Variants in MAP1LC3B2 observed in about 807,000 individuals in gnomAD.
The protein encoded by MAP1LC3B2 is microtubule associated protein 1 light chain 3 beta 2, also known as microtubule-associated protein 1 light chain 3 beta 2.
For synonymous variants in MAP1LC3B2, 62 were observed against 57.8 expected (o/e 1.07, Z -0.33); for missense variants, 155 against 154.6 (o/e 1.00, Z -0.01).
intron 1 of MAP1LC3B2, among the ~76,000 whole-genome samples, chr12:116,561,607 T>C (rs1054066489): frequency 6.6e-6 from 1 of 151,900 alleles, no homozygotes; most frequent in Non-Finnish European, 1.5e-5. Flanking sequence ...GGGTCCCTGG[T>C]TGTAGATAAG....
intron 1 of MAP1LC3B2, 49 bp from the exon 2 acceptor site, chr12:116,575,793 A>C (rs1391995029): frequency 6.2e-6 from 5 of 812,648 alleles, no homozygotes; most frequent in Non-Finnish European, 7.8e-6. Flanking sequence ...TGTAACATAT[A>C]CAGTTTCTGC....
At chr12:116,567,978 A>G (rs369604733) in intron 1 of MAP1LC3B2, among the ~76,000 whole-genome samples, 3 of 152,310 alleles carry the variant, frequency 2.0e-5, no homozygotes, top group East Asian at 1.9e-4. Context: ...TCAGATGCCC[A>G]GCACAATGCC....
intron 1 of MAP1LC3B2, among the ~76,000 whole-genome samples, chr12:116,565,891 G>A (rs1387520998): frequency 6.6e-6 from 1 of 152,202 alleles, no homozygotes; most frequent in Admixed American, 6.5e-5. Context: ...CAATATTTAC[G>A]AAAGCACAAA....
intron 1 of MAP1LC3B2, among the ~76,000 whole-genome samples, chr12:116,573,506 T>C (rs180818120): frequency 6.6e-6 from 1 of 152,142 alleles, no homozygotes; most frequent in African/African-American, 2.4e-5. Flanking sequence ...TCGTCTTCCT[T>C]TTTCTTTTTC....
Position 116,576,130 on chromosome 12 carries a change from T to C in MAP1LC3B2, c.188T>C (p.Leu63Pro), listed in dbSNP as rs1869672295. Reference protein sequence around the residue: ...LVPDHVNMSELIKIIRRRLQL... With the variant: ...LVPDHVNMSEPIKIIRRRLQL... ...CCTGACCATGTCAACATGAGTGAGC[T>C]CATCAAGATAATTAGAAGGCGCTTA... Residue 63 changes from leucine (L) to proline (P), a missense_variant, in exon 2 of 2, where the codon CTC becomes CCC. Coordinates refer to ENST00000556529, the MANE Select transcript of MAP1LC3B2 (RefSeq NM_001085481.3). 1 of 1,614,066 alleles carries C rather than the reference T, an allele frequency of 6.2e-7. No individual in the cohort carries two copies. The highest frequency in any genetic ancestry group is 1.3e-5 in the African/African-American group (1 of 74,922).
intron 1 of MAP1LC3B2, among the ~76,000 whole-genome samples, chr12:116,561,111 C>A (rs1293371648): frequency 6.6e-6 from 1 of 151,902 alleles, no homozygotes; most frequent in African/African-American, 2.4e-5. Context: ...AGCACGACTC[C>A]ATCTCAGAAA....
chr12:116,571,170 C>G (rs1002154336), intron 1 of MAP1LC3B2, among the ~76,000 whole-genome samples: 7 of 152,174 alleles, frequency 4.6e-5, no homozygotes, highest in Non-Finnish European at 8.8e-5. Flanking sequence ...GAAGAGTACA[C>G]TATGGAATAA....
At chr12:116,572,629 G>C (rs989985555) in intron 1 of MAP1LC3B2, among the ~76,000 whole-genome samples, 10 of 151,902 alleles carry the variant, frequency 6.6e-5, no homozygotes, top group Non-Finnish European at 1.2e-4. Context: ...CTCCCAAAGT[G>C]CTGGGATTAC....
At chr12:116,572,693 A>G (rs1193006150) in intron 1 of MAP1LC3B2, among the ~76,000 whole-genome samples, 1 of 152,190 alleles carries the variant, frequency 6.6e-6, no homozygotes, top group Non-Finnish European at 1.5e-5. Context: ...CATGCCATAG[A>G]ACAATCCCAG....
intron 1 of MAP1LC3B2, among the ~76,000 whole-genome samples, chr12:116,574,117 T>C (rs1319076847): frequency 6.6e-6 from 1 of 152,132 alleles, no homozygotes; most frequent in African/African-American, 2.4e-5. Flanking sequence ...AAAATCAACT[T>C]GGTATTTTTG....
chr12:116,564,063 T>C (rs1869332719), intron 1 of MAP1LC3B2, among the ~76,000 whole-genome samples: 1 of 152,196 alleles, frequency 6.6e-6, no homozygotes, highest in Non-Finnish European at 1.5e-5. Flanking sequence ...TTTTAGATAT[T>C]GTATTTTTTA....
chr12:116,576,158 G>A lies in MAP1LC3B2; in HGVS notation c.216G>A (p.Gln72=), dbSNP rs1869673608. ...ELIKIIRRRL[Q]LNANQAFFLL... is the part of the protein sequence containing the mutation. ...TCAAGATAATTAGAAGGCGCTTACA[G>A]CTCAATGCTAATCAGGCCTTCTTCC... Residue 72 remains glutamine (Q), a synonymous_variant, in exon 2 of 2, where the codon CAG becomes CAA. Transcript: ENST00000556529. 6.8e-6 allele frequency: 11 copies of A among 1,614,126 alleles called. No homozygotes were observed. Among genetic ancestry groups the A allele is most frequent in the Non-Finnish European group, 9.3e-6 (11 of 1,180,014 alleles).
At chr12:116,574,816 A>C (rs1395678628) in intron 1 of MAP1LC3B2, among the ~76,000 whole-genome samples, 1 of 151,726 alleles carries the variant, frequency 6.6e-6, no homozygotes, top group Non-Finnish European at 1.5e-5. Context: ...TCAGCCTCCC[A>C]AAGTGTTGGG....
rs776989747 is a variant in MAP1LC3B2 at position 116,575,914 on chromosome 12, G to T, written c.-29G>T. 3.1e-6 allele frequency: 5 copies of T among 1,613,542 alleles called. No individual in the cohort carries two copies. The highest frequency in any genetic ancestry group is 3.4e-6 in the Non-Finnish European group (4 of 1,179,732). On this transcript the variant is annotated 5_prime_UTR_variant, in exon 2 of 2. Coordinates refer to ENST00000556529, the MANE Select transcript of MAP1LC3B2 (RefSeq NM_001085481.3). ...CAGGAGCCGCCGGGACCCTCGCGTC[G>T]TCGCCGCCGCGGCCCAGATCCCCAC...
intron 1 of MAP1LC3B2, among the ~76,000 whole-genome samples, chr12:116,575,612 T>C (rs1322980374): frequency 1.3e-5 from 2 of 152,170 alleles, no homozygotes; most frequent in African/African-American, 4.8e-5. Flanking sequence ...TAGAGTTAAG[T>C]TGAAGGAGTG....
intron 1 of MAP1LC3B2, among the ~76,000 whole-genome samples, chr12:116,573,998 T>C (rs954868517): frequency 9.2e-5 from 14 of 152,206 alleles, no homozygotes; most frequent in East Asian, 5.8e-4. Context: ...ACCCATCAGA[T>C]TGGCAAAAAT....
chr12:116,569,043 T>C (rs979059034), intron 1 of MAP1LC3B2, among the ~76,000 whole-genome samples: 30 of 152,036 alleles, frequency 2.0e-4, no homozygotes, highest in African/African-American at 7.2e-4. Context: ...GTATTTTTTT[T>C]AGTAGAGATG....
At chr12:116,566,537 T>C (rs753590099) in intron 1 of MAP1LC3B2, among the ~76,000 whole-genome samples, 7 of 147,904 alleles carry the variant, frequency 4.7e-5, no homozygotes, top group Non-Finnish European at 1.0e-4. Flanking sequence ...TATCCACAAA[T>C]GTTGTTTTCT....
At chr12:116,573,821 T>A (rs1347917429) in intron 1 of MAP1LC3B2, among the ~76,000 whole-genome samples, 1 of 152,220 alleles carries the variant, frequency 6.6e-6, no homozygotes, top group Admixed American at 6.5e-5. Flanking sequence ...ATCCTTAATT[T>A]ATAAGACAAT....
Sources: gnomAD v4.1 joint callset for allele counts (sites outside exome capture counted in the v4.1 genomes callset) on GRCh38, gnomAD v4.1.1 for gene constraint, MANE v1.5 for transcripts, NCBI Gene and HGNC (gene_info 2026-07-23, HGNC 2026-07-21) for gene names.